The following MTMR10 variants were observed in gnomAD, a reference collection of about 807,000 sequenced individuals.
The protein encoded by MTMR10 is myotubularin-related protein 10.
Under a neutral mutation model 88.1 loss-of-function variants are expected in MTMR10, and 56 were observed. The ratio of observed to expected loss-of-function variants is 0.64; its 90% CI spans 0.51 to 0.79. The LOEUF (loss-of-function observed/expected upper bound fraction) is 0.79, where lower values mean the gene tolerates loss of function less well. MTMR10 is among the 30% of genes least tolerant of loss of function. The probability of loss-of-function intolerance (pLI) is 0.00; values close to 1 mark genes in which losing one functional copy is unlikely to be tolerated. For missense variants in MTMR10, 883 were observed against 924.7 expected (o/e 0.95, Z 0.58); for synonymous variants, 380 against 340.9 (o/e 1.11, Z -1.26).
chr15:30,957,043 T>C (rs1415305896), intron 9 of MTMR10, among the ~76,000 whole-genome samples: 1 of 152,164 alleles, frequency 6.6e-6, no homozygotes, highest in Non-Finnish European at 1.5e-5. Flanking sequence ...TCAGTGAATA[T>C]GGCTCTGTCA....
chr15:30,982,801 T>G (rs984285577), intron 2 of MTMR10, among the ~76,000 whole-genome samples: 3 of 152,232 alleles, frequency 2.0e-5, no homozygotes, highest in Non-Finnish European at 4.4e-5. Context: ...TCTGCTCACG[T>G]AAGTCATTTG....
At chr15:30,929,785 CATATATA>C in the MTMR10 span, among the ~76,000 whole-genome samples, 4 of 39,652 alleles carry the variant, frequency 1.0e-4, no homozygotes, top group Admixed American at 1.1e-3. Context: ...TATATTATAT[CATATATA>C]ATATAATATA....
intron 9 of MTMR10, chr15:30,956,476 T>C (rs1261426069): frequency 6.6e-6 from 1 of 152,208 alleles, no homozygotes; most frequent in Non-Finnish European, 1.5e-5. Context: ...AAACAGCTGC[T>C]CTGTGAAGAT....
At chr15:30,981,833 G>T (rs1382757251) in intron 2 of MTMR10, among the ~76,000 whole-genome samples, 35 of 152,056 alleles carry the variant, frequency 2.3e-4, no homozygotes, top group Admixed American at 2.3e-3. Flanking sequence ...ACTTTGGGAG[G>T]CTGAGGCAGG....
intron 14 of MTMR10, chr15:30,943,575 C>G (rs2063119269): frequency 2.0e-6 from 2 of 984,628 alleles, no homozygotes; most frequent in South Asian, 9.4e-5. Flanking sequence ...AATCACAGAC[C>G]ACAGACTCAG....
intron 2 of MTMR10, 109 bp downstream of exon 2, chr15:30,990,668 G>A (rs765851108): frequency 1.7e-5 from 15 of 907,914 alleles, no homozygotes; most frequent in Non-Finnish European, 2.0e-5. Flanking sequence ...TTTAACTGGA[G>A]AAAGTTTAAT....
chr15:30,980,765 G>A (rs1202218068), intron 2 of MTMR10, among the ~76,000 whole-genome samples: 4 of 152,004 alleles, frequency 2.6e-5, no homozygotes, highest in East Asian at 3.9e-4. Context: ...GCGGGGGGAC[G>A]GCATTTCCAA....
chr15:30,966,508 G>A (rs139031547), intron 6 of MTMR10, among the ~76,000 whole-genome samples: 76 of 152,292 alleles, frequency 5.0e-4, no homozygotes, highest in African/African-American at 1.8e-3. Context: ...ATCATAAACA[G>A]TTGAGCAGGA....
chr15:30,938,200 A>G (rs1404530985), downstream of MTMR10, among the ~76,000 whole-genome samples: 1 of 151,996 alleles, frequency 6.6e-6, no homozygotes, highest in African/African-American at 2.4e-5. Flanking sequence ...AAAAAAATTT[A>G]AAAACTAGCA....
At chr15:30,955,980 AC>A (rs138981220) in intron 9 of MTMR10, among the ~76,000 whole-genome samples, 39,247 of 139,234 alleles carry the variant, frequency 0.28, 5,657 homozygotes, top group Non-Finnish European at 0.34. Context: ...CTTTAAAAAA[AC>A]AAAACAAAAC....
At chr15:30,950,255 AC>A (rs2063225503) in intron 12 of MTMR10, 1 of 139,182 alleles carries the variant, frequency 7.2e-6, no homozygotes, top group Admixed American at 6.9e-5. Flanking sequence ...TTAAACACAC[AC>A]TCTGACTGTA....
chr15:30,962,383 A>G (rs916772097), intron 6 of MTMR10, among the ~76,000 whole-genome samples: 2 of 152,184 alleles, frequency 1.3e-5, no homozygotes, highest in African/African-American at 4.8e-5. Flanking sequence ...GGCATCCCCA[A>G]TGGAATATTC....
At position 30,941,223 on chromosome 15, in the gene MTMR10, A is replaced by T. The variant is rs2063037943; in HGVS notation, c.*247T>A. ...AGACAAAAATGTAGCAGACAACATG[A>T]ACAGTTTGATCACGGTTACAAGAGC... On this transcript the variant is annotated 3_prime_UTR_variant, in exon 16 of 16. Transcript: ENST00000435680. 1 of 1,404,888 alleles carries T rather than the reference A, an allele frequency of 7.1e-7. No individual in the cohort carries two copies. The highest frequency in any genetic ancestry group is 2.1e-5 in the Admixed American group (1 of 46,950). The allele number at this position is 1,404,888 out of a possible 1,614,324, so 87.0% of individuals were successfully genotyped here.
the MTMR10 span, chr15:30,926,808 A>G: frequency 1.0e-6 from 1 of 985,430 alleles, no homozygotes; most frequent in Non-Finnish European, 1.2e-6. Context: ...TGAGCCTGAA[A>G]AACACACGAT....
intron 11 of MTMR10, among the ~76,000 whole-genome samples, chr15:30,952,309 T>C (rs1023057979): frequency 6.6e-6 from 1 of 152,254 alleles, no homozygotes; most frequent in Non-Finnish European, 1.5e-5. Context: ...AGCTTTCGCA[T>C]TACCGTAAAG....
At chr15:30,955,728 G>A (rs1465918874) in intron 9 of MTMR10, among the ~76,000 whole-genome samples, 2 of 152,164 alleles carry the variant, frequency 1.3e-5, no homozygotes, top group Non-Finnish European at 1.5e-5. Context: ...ACAGAAGGAT[G>A]GCAAACCAGA....
At chr15:30,961,117 C>T (rs1362051519) in intron 6 of MTMR10, 44 bp from the exon 7 acceptor site, 1 of 1,506,632 alleles carries the variant, frequency 6.6e-7, no homozygotes, top group Admixed American at 2.0e-5. Context: ...GTCACATTTT[C>T]CCCAGCATTC....
At chr15:30,958,025 C>A (rs2063351141) in intron 9 of MTMR10, among the ~76,000 whole-genome samples, 1 of 152,158 alleles carries the variant, frequency 6.6e-6, no homozygotes, top group African/African-American at 2.4e-5. Context: ...TCCAGGATGA[C>A]CCCCCGGTTT....
chr15:30,940,900 TA>T lies in MTMR10; in HGVS notation c.*569del. 9.7e-7 allele frequency: 1 copy of T among 1,029,810 alleles called. No homozygotes were observed. The highest frequency in any genetic ancestry group is 1.2e-6 in the Non-Finnish European group (1 of 856,222). The allele number at this position is 1,029,810 out of a possible 1,614,324, so 63.8% of individuals were successfully genotyped here. On this transcript the variant is annotated 3_prime_UTR_variant, in exon 16 of 16. Coordinates refer to ENST00000435680, the MANE Select transcript of MTMR10 (RefSeq NM_017762.3). ...CATTTTAAAGTTGACCCTATGAAGT[TA>T]AAAGCAAACTCATGATTTCAAAACA... is the stretch of plus-strand genomic sequence containing the variant.
Sources: gnomAD v4.1 joint callset for allele counts (sites outside exome capture counted in the v4.1 genomes callset) on GRCh38, gnomAD v4.1.1 for gene constraint, MANE v1.5 for transcripts, NCBI Gene and HGNC (gene_info 2026-07-23, HGNC 2026-07-21) for gene names.